Variants in NTNG1 observed in about 807,000 individuals in gnomAD.
NTNG1 encodes the protein netrin G1, also known as netrin-G1.
In NTNG1, 16 loss-of-function variants were observed where a neutral mutation model predicts 54.0. The observed-to-expected ratio is 0.30, with a 90% CI of 0.20 to 0.45. The LOEUF is 0.45. Ranked by LOEUF, NTNG1 falls within the 20% of genes least tolerant of loss-of-function variation. The probability of loss-of-function intolerance (pLI) is 1.00; values close to 1 mark genes in which losing one functional copy is unlikely to be tolerated. For missense variants in NTNG1, 530 were observed against 678.7 expected, an observed-to-expected ratio of 0.78 and a Z score of 2.43; for synonymous variants, 255 against 263.1, an observed-to-expected ratio of 0.97 and a Z score of 0.30.
At chr1:107,395,850 ATACCTGC>A (rs1672650178) in intron 4 of NTNG1, among the ~76,000 whole-genome samples, 1 of 152,212 alleles carries the variant, frequency 6.6e-6, no homozygotes, top group South Asian at 2.1e-4. Flanking sequence ...CAATTGAAAC[ATACCTGC>A]TTTGGATCCT....
At chr1:107,323,457 T>C (rs1570676900) in intron 2 of NTNG1, among the ~76,000 whole-genome samples, 1 of 152,108 alleles carries the variant, frequency 6.6e-6, no homozygotes, top group Non-Finnish European at 1.5e-5. Flanking sequence ...GGTAGAATAA[T>C]AATAACTAAC....
At chr1:107,328,022 G>GA (rs1203143538) in intron 3 of NTNG1, among the ~76,000 whole-genome samples, 13 of 152,116 alleles carry the variant, frequency 8.5e-5, no homozygotes, top group Admixed American at 2.6e-4. Flanking sequence ...TTACTAGTAA[G>GA]AAAAAAGTGT....
chr1:107,145,777 T>C (rs1654061801), intron 1 of NTNG1, among the ~76,000 whole-genome samples: 2 of 152,138 alleles, frequency 1.3e-5, no homozygotes, highest in Admixed American at 1.3e-4. Flanking sequence ...TCTTGCACTC[T>C]TCTGCATTTT....
chr1:107,379,983 G>A (rs2101028631), intron 3 of NTNG1, among the ~76,000 whole-genome samples: 1 of 152,260 alleles, frequency 6.6e-6, no homozygotes, highest in Non-Finnish European at 1.5e-5. Flanking sequence ...GTTTCTTTGA[G>A]AGTTGCTCCT....
chr1:107,457,577 TG>T, intron 7 of NTNG1, among the ~76,000 whole-genome samples: 1 of 152,294 alleles, frequency 6.6e-6, no homozygotes, highest in South Asian at 2.1e-4. Context: ...ATAGATTTTT[TG>T]GGGGTGGGAT....
At chr1:107,343,000 T>G (rs1437408593) in intron 3 of NTNG1, among the ~76,000 whole-genome samples, 1 of 152,110 alleles carries the variant, frequency 6.6e-6, no homozygotes, top group Admixed American at 6.6e-5. Context: ...ATGGGTATCA[T>G]CAGTGTTTGC....
chr1:107,367,628 A>T (rs1670676239), intron 3 of NTNG1, among the ~76,000 whole-genome samples: 1 of 152,164 alleles, frequency 6.6e-6, no homozygotes, highest in East Asian at 1.9e-4. Flanking sequence ...AAATAAATAA[A>T]TAAATACATG....
intron 2 of NTNG1, among the ~76,000 whole-genome samples, chr1:107,199,894 C>A (rs927440184): frequency 6.6e-6 from 1 of 151,752 alleles, no homozygotes; most frequent in African/African-American, 2.4e-5. Flanking sequence ...TGTGATAATC[C>A]TTTTTATCAA....
intron 2 of NTNG1, among the ~76,000 whole-genome samples, chr1:107,181,445 G>A (rs1396683265): frequency 6.6e-6 from 1 of 152,122 alleles, no homozygotes; most frequent in East Asian, 1.9e-4. Flanking sequence ...ATTTTAAGTG[G>A]CTTTTGTTAT....
Position 107,422,948 on chromosome 1 carries a change from T to A in NTNG1, c.1088-7802T>A, listed in dbSNP as rs186798677. On this transcript the variant is annotated intron_variant, in intron 5 of 7. Coordinates refer to ENST00000370068, the MANE Select transcript of NTNG1 (RefSeq NM_001113226.3). ...AAAGGAGAAATTGAATCCCCTCCTC[T>A]TAGTAACATTCTTTTTCTTTCATTC... is the stretch of plus-strand genomic sequence containing the variant. Among the ~76,000 whole-genome samples, 11 of 152,202 alleles carry A rather than the reference T, an allele frequency of 7.2e-5. No individual in the cohort carries two copies. The East Asian group carries it at 1.9e-3, about 27-fold the overall frequency.
Position 107,401,952 on chromosome 1 carries a change from T to C in NTNG1, c.1061-5730T>C, listed in dbSNP as rs148618720. On this transcript the variant is annotated intron_variant, in intron 4 of 7. Coordinates refer to ENST00000370068, the MANE Select transcript of NTNG1 (RefSeq NM_001113226.3). ...AATGAATTAGTACATGTAAGGCATT[T>C]AGACAGTGCCAGCCACGTAGTAAGC... Among the ~76,000 whole-genome samples, 129 of 152,216 alleles carry C rather than the reference T, an allele frequency of 8.5e-4. 1 individual carries two copies. The highest frequency in any genetic ancestry group is 2.9e-3 in the African/African-American group (120 of 41,556).
chr1:107,255,570 T>C (rs1325920877), intron 2 of NTNG1, among the ~76,000 whole-genome samples: 1 of 152,238 alleles, frequency 6.6e-6, no homozygotes, highest in East Asian at 1.9e-4. Flanking sequence ...TTTTTAAACA[T>C]CTTTCTTTCT....
intron 2 of NTNG1, among the ~76,000 whole-genome samples, chr1:107,300,591 A>G (rs754634099): frequency 6.6e-6 from 1 of 152,314 alleles, no homozygotes; most frequent in African/African-American, 2.4e-5. Context: ...GCAAGCAAGT[A>G]TAAAAATTTG....
chr1:107,266,043 A>T (rs954856530), intron 2 of NTNG1, among the ~76,000 whole-genome samples: 2 of 152,190 alleles, frequency 1.3e-5, no homozygotes, highest in Non-Finnish European at 1.5e-5. Flanking sequence ...TTCTAATTGC[A>T]CGCTAGTCAC....
chr1:107,191,927 A>C (rs1657975713), intron 2 of NTNG1, among the ~76,000 whole-genome samples: 1 of 152,146 alleles, frequency 6.6e-6, no homozygotes, highest in Non-Finnish European at 1.5e-5. Context: ...TTTTGGTTCC[A>C]TATGAACTTT....
intron 3 of NTNG1, among the ~76,000 whole-genome samples, chr1:107,359,747 A>G (rs1670151162): frequency 1.3e-5 from 2 of 152,194 alleles, no homozygotes; most frequent in Non-Finnish European, 2.9e-5. Flanking sequence ...AGCTGAACAG[A>G]CAGTATTGAG....
At chr1:107,254,690 G>C (rs1415382248) in intron 2 of NTNG1, among the ~76,000 whole-genome samples, 4 of 152,154 alleles carry the variant, frequency 2.6e-5, no homozygotes, top group South Asian at 4.1e-4. Context: ...AATTTAAATA[G>C]AAGAGTACTT....
intron 2 of NTNG1, among the ~76,000 whole-genome samples, chr1:107,248,952 C>T (rs568848275): frequency 2.0e-5 from 3 of 149,402 alleles, no homozygotes; most frequent in East Asian, 2.0e-4. Flanking sequence ...AGTTCAAGAC[C>T]AGCCCAGCCA....
At chr1:107,183,578 A>C (rs1657228658) in intron 2 of NTNG1, among the ~76,000 whole-genome samples, 1 of 152,126 alleles carries the variant, frequency 6.6e-6, no homozygotes, top group Admixed American at 6.6e-5. Flanking sequence ...TGGTTGTATT[A>C]GTTTTGGATG....
Sources: allele counts gnomAD v4.1 joint callset (sites outside exome capture counted in the v4.1 genomes callset), GRCh38; gene constraint gnomAD v4.1.1; transcripts MANE v1.5; gene names NCBI Gene and HGNC (gene_info 2026-07-23, HGNC 2026-07-21).